Variants in ERG observed in about 807,000 individuals in gnomAD.
ERG encodes the protein ETS transcription factor ERG.
A neutral mutation model predicts 55.3 loss-of-function variants in ERG; 9 were observed. The ratio of observed to expected loss-of-function variants is 0.16; its 90% confidence interval spans 0.10 to 0.28. The LOEUF (loss-of-function observed/expected upper bound fraction) is 0.28. Among genes scored for constraint, ERG ranks in the 10% least tolerant of loss-of-function variants. The pLI is 1.00. For synonymous variants in ERG, 223 were observed against 237.3 expected (o/e 0.94, Z 0.55); for missense variants, 434 against 631.6 (o/e 0.69, Z 3.35).
chr21:38,479,508 T>C (rs2059218208), intron 1 of ERG, among the ~76,000 whole-genome samples: 2 of 152,106 alleles, frequency 1.3e-5, no homozygotes, highest in South Asian at 2.1e-4. Context: ...AGGTTCTAAA[T>C]CCAGTGAGAG....
Position 38,381,529 on chromosome 21 carries a change from A to C in ERG, c.*1874T>G, listed in dbSNP as rs1039806251. 3 of 1,064,082 alleles carry C rather than the reference A, an allele frequency of 2.8e-6. No individual in the cohort carries two copies. The South Asian group carries it at 1.4e-4, about 48-fold the overall frequency. 65.9% of individuals were successfully genotyped at this position (1,064,082 alleles called of 1,614,324 possible). A position where few individuals can be genotyped will look rare whatever the true frequency, so the allele number is the denominator to read the frequency against. ...TGTCTACCTAGTGAGAGCTCCTGAA[A>C]GAGAAACCCCGCAGCAAATCTAGAC... On this transcript the variant is annotated 3_prime_UTR_variant, in exon 10 of 10. Coordinates refer to ENST00000288319, the MANE Select transcript of ERG (RefSeq NM_182918.4).
chr21:38,590,814 C>A (rs2060096109), intron 1 of ERG, among the ~76,000 whole-genome samples: 1 of 152,222 alleles, frequency 6.6e-6, no homozygotes, highest in African/African-American at 2.4e-5. Context: ...GTGAGAGAGA[C>A]AGAGTTGTAA....
chr21:38,532,454 C>T (rs982251459), intron 2 of ERG, among the ~76,000 whole-genome samples: 1 of 152,140 alleles, frequency 6.6e-6, no homozygotes, highest in Non-Finnish European at 1.5e-5. Flanking sequence ...TAAAAGAAGC[C>T]TTGACACCTT....
At chr21:38,560,749 A>G (rs1268242771) in intron 2 of ERG, among the ~76,000 whole-genome samples, 2 of 152,198 alleles carry the variant, frequency 1.3e-5, no homozygotes, top group Non-Finnish European at 2.9e-5. Context: ...TATAATTCCA[A>G]TTACCCATGA....
chr21:38,401,910 C>T (rs111423935), intron 5 of ERG, among the ~76,000 whole-genome samples: 112 of 152,164 alleles, frequency 7.4e-4, no homozygotes, highest in Admixed American at 1.6e-3. Context: ...AAATACATAA[C>T]TAAGTCAAAT....
intron 2 of ERG, among the ~76,000 whole-genome samples, chr21:38,427,643 G>T (rs1157669566): frequency 6.6e-6 from 1 of 152,086 alleles, no homozygotes; most frequent in South Asian, 2.1e-4. Context: ...CAAAGTAAAG[G>T]CAAGACAATG....
chr21:38,538,090 G>A (rs2059724925), intron 2 of ERG, among the ~76,000 whole-genome samples: 4 of 152,152 alleles, frequency 2.6e-5, no homozygotes, highest in South Asian at 4.1e-4. Context: ...AATGCTGTAC[G>A]ATTCCACTTG....
chr21:38,508,065 A>ACACG, intron 2 of ERG, among the ~76,000 whole-genome samples: 3 of 27,216 alleles, frequency 1.1e-4, no homozygotes, highest in Non-Finnish European at 1.8e-4. Context: ...ACACATATAC[A>ACACG]CACATGCACA....
chr21:38,523,170 A>C (rs2059606850), intron 2 of ERG, among the ~76,000 whole-genome samples: 1 of 152,166 alleles, frequency 6.6e-6, no homozygotes, highest in South Asian at 2.1e-4. Context: ...TCATTCTTAA[A>C]AAACACACTT....
chr21:38,413,557 T>A (rs1989152371), intron 3 of ERG, among the ~76,000 whole-genome samples: 1 of 152,130 alleles, frequency 6.6e-6, no homozygotes, highest in Non-Finnish European at 1.5e-5. Context: ...TGTTTGAGAA[T>A]CTACAATTCT....
chr21:38,475,462 G>A (rs1341434437), intron 1 of ERG, among the ~76,000 whole-genome samples: 1 of 152,110 alleles, frequency 6.6e-6, no homozygotes, highest in African/African-American at 2.4e-5. Flanking sequence ...CTGTTCTTCT[G>A]ACAGCCTCCT....
chr21:38,636,702 G>A lies in ERG; in HGVS notation c.-150+24956C>T, dbSNP rs565099520. Among the ~76,000 whole-genome samples the A allele has an allele frequency of 1.8e-4, 28 of 152,244 alleles. 1 individual carries two copies. The South Asian group carries it at 5.6e-3, about 30-fold the overall frequency. ...CTCTCCTCTCCCACCTGGGCTGGCT[G>A]CAGCAGCTCTGCAGGATGTCACCCA... On this transcript the variant is annotated intron_variant, in intron 1 of 10. Coordinates refer to the ERG transcript ENST00000398910.
intron 3 of ERG, among the ~76,000 whole-genome samples, chr21:38,413,563 A>G (rs1276982718): frequency 6.6e-6 from 1 of 152,122 alleles, no homozygotes; most frequent in African/African-American, 2.4e-5. Flanking sequence ...AGAATCTACA[A>G]TTCTGTGTAT....
intron 2 of ERG, 61 bp downstream of exon 2, chr21:38,445,343 G>T: frequency 7.6e-7 from 1 of 1,322,750 alleles, no homozygotes; most frequent in Non-Finnish European, 1.1e-6. Flanking sequence ...CTTCCACTTT[G>T]CCTTTGCAAA....
At chr21:38,593,950 G>A (rs1396966995) in intron 1 of ERG, among the ~76,000 whole-genome samples, 1 of 151,630 alleles carries the variant, frequency 6.6e-6, no homozygotes, top group African/African-American at 2.4e-5. Context: ...AGCATTAAAA[G>A]CATAAAGAAA....
chr21:38,498,514 T>G, upstream of ERG: 1 of 1,433,404 alleles, frequency 7.0e-7, no homozygotes. This position sits in a 1 kb window ranked among gnomAD's most constrained non-coding sequence, Gnocchi z 4.6. Context: ...AGTCAGCCAA[T>G]GGCAGGAAGA....
At chr21:38,433,979 T>C (rs1450456820) in intron 2 of ERG, among the ~76,000 whole-genome samples, 2 of 152,096 alleles carry the variant, frequency 1.3e-5, no homozygotes, top group Non-Finnish European at 2.9e-5. Context: ...CACATGCTGG[T>C]GAAATGTCCC....
chr21:38,464,914 A>G (rs1268556672), intron 1 of ERG, among the ~76,000 whole-genome samples: 2 of 152,134 alleles, frequency 1.3e-5, no homozygotes, highest in East Asian at 1.9e-4. Context: ...TTATGGCTGC[A>G]TGGTATTCCA....
At chr21:38,658,855 G>A (rs920564529) in intron 1 of ERG, among the ~76,000 whole-genome samples, 2 of 152,192 alleles carry the variant, frequency 1.3e-5, no homozygotes, top group Non-Finnish European at 2.9e-5. Flanking sequence ...GTGGAGGGGG[G>A]AATGTTTATA....
Sources: gnomAD v4.1 joint callset for allele counts (sites outside exome capture counted in the v4.1 genomes callset) on GRCh38, gnomAD v4.1.1 for gene constraint, Gnocchi (gnomAD v3.1) non-coding constraint, MANE v1.5 for transcripts, NCBI Gene and HGNC (gene_info 2026-07-23, HGNC 2026-07-21) for gene names.